RPS6KC1: variants seen among roughly 807,000 people sequenced by gnomAD.
RPS6KC1 encodes ribosomal protein S6 kinase C1.
Under a neutral mutation model 103.8 loss-of-function variants are expected in RPS6KC1, and 54 were observed. That is an observed-to-expected ratio of 0.52 (90% CI 0.42 to 0.65). RPS6KC1 has a LOEUF of 0.65. RPS6KC1 is among the 30% of genes least tolerant of loss of function. The probability of loss-of-function intolerance (pLI) is 0.00; values close to 1 mark genes in which losing one functional copy is unlikely to be tolerated. For synonymous variants in RPS6KC1, 439 were observed against 438.7 expected (o/e 1.00, Z -0.01); for missense variants, 1,151 against 1,253.8 (o/e 0.92, Z 1.24).
At chr1:213,072,931 C>G in intron 2 of RPS6KC1, 4 of 980,866 alleles carry the variant, frequency 4.1e-6, no homozygotes, top group Non-Finnish European at 4.8e-6. Context: ...GTCCTTTTTT[C>G]GGGAAAACTC....
the RPS6KC1 span, among the ~76,000 whole-genome samples, chr1:213,595,262 C>T: frequency 1.3e-4 from 20 of 152,192 alleles, no homozygotes; most frequent in East Asian, 3.9e-3. Context: ...GCTCATGGGT[C>T]AAATAACTTC....
the RPS6KC1 span, among the ~76,000 whole-genome samples, chr1:213,582,596 G>T: frequency 1.3e-5 from 2 of 152,130 alleles, no homozygotes; most frequent in African/African-American, 4.8e-5. Context: ...AATCAACGGG[G>T]CTTCTCGATT....
the RPS6KC1 span, among the ~76,000 whole-genome samples, chr1:213,530,032 T>TTTTTTATTA: frequency 2.0e-4 from 30 of 149,080 alleles, no homozygotes; most frequent in African/African-American, 7.3e-4. Flanking sequence ...CTTCACTTCT[T>TTTTTTATTA]TTATTATTAT....
At chr1:213,278,960 G>A (rs1008096288), downstream of RPS6KC1, among the ~76,000 whole-genome samples, 1 of 152,026 alleles carries the variant, frequency 6.6e-6, no homozygotes, top group Non-Finnish European at 1.5e-5. Context: ...GTGTATAAAG[G>A]CATGGAGATG....
At chr1:213,823,150 C>G in the RPS6KC1 span, among the ~76,000 whole-genome samples, 1 of 152,198 alleles carries the variant, frequency 6.6e-6, no homozygotes, top group East Asian at 1.9e-4. Flanking sequence ...TCCACTCATT[C>G]AAGGATGTTC....
chr1:213,487,353 A>C, the RPS6KC1 span, among the ~76,000 whole-genome samples: 1 of 151,972 alleles, frequency 6.6e-6, no homozygotes. Context: ...CCCACATCAT[A>C]CTCCTGCACT....
the RPS6KC1 span, among the ~76,000 whole-genome samples, chr1:213,628,417 T>C: frequency 2.0e-5 from 3 of 152,026 alleles, no homozygotes; most frequent in African/African-American, 7.2e-5. Context: ...GTGTCTCTAT[T>C]TCCTTCAGTT....
chr1:213,307,085 C>T, the RPS6KC1 span, among the ~76,000 whole-genome samples: 1 of 125,006 alleles, frequency 8.0e-6, no homozygotes, highest in Non-Finnish European at 1.6e-5. Flanking sequence ...TTTTTTGAGA[C>T]GGAGTCTCCA....
At chr1:213,285,861 G>C in the RPS6KC1 span, among the ~76,000 whole-genome samples, 103 of 152,300 alleles carry the variant, frequency 6.8e-4, no homozygotes, top group African/African-American at 2.4e-3. Context: ...CTTCCACCAT[G>C]TGAGGATGCA....
At chr1:213,537,039 G>T in the RPS6KC1 span, among the ~76,000 whole-genome samples, 1 of 152,168 alleles carries the variant, frequency 6.6e-6, no homozygotes, top group East Asian at 1.9e-4. Flanking sequence ...GCAGTGGACT[G>T]GACAGACAAG....
chr1:213,141,324 G>A (rs1426699427), intron 6 of RPS6KC1, among the ~76,000 whole-genome samples: 1 of 152,042 alleles, frequency 6.6e-6, no homozygotes, highest in Non-Finnish European at 1.5e-5. Context: ...CAGATACTCA[G>A]TTTCTTCCTG....
chr1:213,706,288 G>C, the RPS6KC1 span, among the ~76,000 whole-genome samples: 1 of 152,182 alleles, frequency 6.6e-6, no homozygotes, highest in Non-Finnish European at 1.5e-5. Context: ...ATTCCCCTCT[G>C]GCTAGGGCTT....
the RPS6KC1 span, among the ~76,000 whole-genome samples, chr1:213,682,892 C>T: frequency 2.6e-5 from 4 of 152,110 alleles, no homozygotes; most frequent in Admixed American, 6.5e-5. Flanking sequence ...TTAAACAAAA[C>T]GAGATTTTAC....
At chr1:213,305,228 G>C in the RPS6KC1 span, among the ~76,000 whole-genome samples, 1 of 152,066 alleles carries the variant, frequency 6.6e-6, no homozygotes, top group Non-Finnish European at 1.5e-5. Flanking sequence ...GGGATTACAG[G>C]TGCGTGCCAC....
chr1:213,612,835 G>T, the RPS6KC1 span, among the ~76,000 whole-genome samples: 1 of 152,292 alleles, frequency 6.6e-6, no homozygotes, highest in East Asian at 1.9e-4. Context: ...GCAAGAGAAG[G>T]TGTACATATC....
At chr1:213,789,806 C>T in the RPS6KC1 span, among the ~76,000 whole-genome samples, 1 of 152,150 alleles carries the variant, frequency 6.6e-6, no homozygotes, top group African/African-American at 2.4e-5. Context: ...TTGCCTAATG[C>T]CATCCATATT....
chr1:213,431,025 T>C, the RPS6KC1 span, among the ~76,000 whole-genome samples: 1 of 150,324 alleles, frequency 6.7e-6, no homozygotes, highest in Non-Finnish European at 1.5e-5. Flanking sequence ...GGTGGGGGAG[T>C]GTGGGAAGGG....
chr1:213,767,171 A>G, the RPS6KC1 span, among the ~76,000 whole-genome samples: 5 of 152,112 alleles, frequency 3.3e-5, no homozygotes, highest in African/African-American at 1.2e-4. Flanking sequence ...GCTTCCCAAA[A>G]CATTACTTTC....
the RPS6KC1 span, among the ~76,000 whole-genome samples, chr1:213,740,787 C>G: frequency 3.8e-5 from 1 of 26,102 alleles, no homozygotes; most frequent in African/African-American, 1.7e-4. Flanking sequence ...ATATATACAT[C>G]TCAGATATAT....
Sources: allele counts gnomAD v4.1 joint callset (sites outside exome capture counted in the v4.1 genomes callset), GRCh38; gene constraint gnomAD v4.1.1; transcripts MANE v1.5; gene names NCBI Gene and HGNC (gene_info 2026-07-23, HGNC 2026-07-21).